The following GRIN2A variants were observed in gnomAD, a reference collection of about 807,000 sequenced individuals.
GRIN2A encodes glutamate ionotropic receptor NMDA type subunit 2A, also known as glutamate receptor ionotropic, NMDA 2A.
Under a neutral mutation model 113.4 loss-of-function variants are expected in GRIN2A, and 22 were observed. That is an observed-to-expected ratio of 0.19 (90% CI 0.14 to 0.28). The LOEUF (loss-of-function observed/expected upper bound fraction) is 0.28, where lower values mean the gene tolerates loss of function less well. Ranked by LOEUF, GRIN2A falls within the 10% of genes least tolerant of loss-of-function variation. The pLI is 1.00. For missense variants in GRIN2A, 1,502 were observed against 1,887.0 expected, an observed-to-expected ratio of 0.80 and a Z score of 3.78; for synonymous variants, 827 against 738.4, an observed-to-expected ratio of 1.12 and a Z score of -1.94.
intron 4 of GRIN2A, among the ~76,000 whole-genome samples, chr16:9,870,902 T>G (rs186711322): frequency 1.3e-5 from 2 of 152,154 alleles, no homozygotes; most frequent in African/African-American, 4.8e-5. Context: ...CCTCCCTAAG[T>G]GCTAGGATTA....
chr16:10,076,564 T>C (rs1330847869), intron 2 of GRIN2A, among the ~76,000 whole-genome samples: 6 of 152,174 alleles, frequency 3.9e-5, no homozygotes, highest in Non-Finnish European at 8.8e-5. Flanking sequence ...TTGGTTTAAA[T>C]TTGAACTCAA....
intron 10 of GRIN2A, among the ~76,000 whole-genome samples, chr16:9,817,305 G>A (rs955895543): frequency 5.9e-5 from 9 of 152,140 alleles, no homozygotes; most frequent in African/African-American, 1.7e-4. Flanking sequence ...GTGGTGTGGC[G>A]TGCTGCGGGG....
intron 2 of GRIN2A, among the ~76,000 whole-genome samples, chr16:10,157,717 C>T (rs1351205704): frequency 6.6e-6 from 1 of 152,172 alleles, no homozygotes; most frequent in Non-Finnish European, 1.5e-5. Flanking sequence ...CACGATCAAT[C>T]ACTTCCCTTC....
intron 2 of GRIN2A, among the ~76,000 whole-genome samples, chr16:10,023,101 C>T (rs891311207): frequency 1.3e-5 from 2 of 152,152 alleles, no homozygotes; most frequent in Non-Finnish European, 2.9e-5. Flanking sequence ...GAGGGCTCTA[C>T]CAATGAGAAA....
Position 9,938,218 on chromosome 16 carries a change from C to T in GRIN2A, c.748G>A (p.Gly250Arg), listed in dbSNP as rs1473377043. 7.4e-6 allele frequency: 12 copies of T among 1,613,696 alleles called. No individual in the cohort carries two copies. The highest frequency in any genetic ancestry group is 1.7e-5 in the Admixed American group (1 of 59,996). ...GGGACAATCCAGAAGAAATCATACC[C>T]GGTGAGGCCAAGGGAGCGGGCCTCA... is the stretch of plus-strand genomic sequence containing the variant. ...LSEARSLGLT[G>R]YDFFWIVPSL... The change falls in exon 3 of 13, where the codon GGG (glycine) becomes AGG (arginine). Residue 250 changes from glycine to arginine, a missense_variant. Coordinates refer to ENST00000330684, the MANE Select transcript of GRIN2A (RefSeq NM_001134407.3).
At chr16:9,889,084 G>C (rs947161068) in intron 4 of GRIN2A, among the ~76,000 whole-genome samples, 4 of 151,976 alleles carry the variant, frequency 2.6e-5, no homozygotes, top group Non-Finnish European at 5.9e-5. Flanking sequence ...TCTAGGCCAG[G>C]AGTTTCTCTT....
At position 9,776,354 on chromosome 16, in the gene GRIN2A, C is replaced by A. The variant is rs527497354; in HGVS notation, c.2357-7265G>T. On this transcript the variant is annotated intron_variant, in intron 11 of 12. Coordinates refer to ENST00000330684, the MANE Select transcript of GRIN2A (RefSeq NM_001134407.3). ...CACTGGGAGGTGAGTTTATTCAGGG[C>A]AGGGATCTTGTTTTATTCTCCTTGT... is the stretch of plus-strand genomic sequence containing the variant. Among the ~76,000 whole-genome samples the A allele has an allele frequency of 2.7e-5, 4 of 147,562 alleles. No individual in the cohort carries two copies. In the South Asian group the frequency reaches 6.4e-4, roughly 24 times the overall value.
At chr16:9,826,895 C>T (rs1000652306) in intron 9 of GRIN2A, among the ~76,000 whole-genome samples, 1 of 152,332 alleles carries the variant, frequency 6.6e-6, no homozygotes, top group African/African-American at 2.4e-5. Context: ...GATTTCCCCC[C>T]GCCCTTGCCT....
At chr16:10,107,925 C>G (rs1010556373) in intron 2 of GRIN2A, among the ~76,000 whole-genome samples, 3 of 152,202 alleles carry the variant, frequency 2.0e-5, no homozygotes, top group African/African-American at 7.2e-5. Context: ...TGCTTACCCT[C>G]TGGTGGGGAG....
At chr16:10,148,561 G>A (rs1443827123) in intron 2 of GRIN2A, among the ~76,000 whole-genome samples, 1 of 152,162 alleles carries the variant, frequency 6.6e-6, no homozygotes, top group Non-Finnish European at 1.5e-5. Flanking sequence ...AATGTGAAAT[G>A]ATTTGCTGAC....
chr16:9,771,003 T>C (rs966703468), intron 11 of GRIN2A, among the ~76,000 whole-genome samples: 5 of 152,200 alleles, frequency 3.3e-5, no homozygotes, highest in Non-Finnish European at 5.9e-5. Flanking sequence ...ACTGCCAAAC[T>C]TTCTTCCAAA....
At chr16:9,776,589 C>T (rs781573965) in intron 11 of GRIN2A, among the ~76,000 whole-genome samples, 4 of 151,954 alleles carry the variant, frequency 2.6e-5, no homozygotes, top group Non-Finnish European at 4.4e-5. Context: ...GGCTCTTGGG[C>T]GAGTATGTTC....
intron 2 of GRIN2A, among the ~76,000 whole-genome samples, chr16:9,943,875 C>G (rs1191693221): frequency 6.6e-6 from 1 of 152,232 alleles, no homozygotes; most frequent in African/African-American, 2.4e-5. Context: ...GCCTGAGTAT[C>G]TGAACTTTAA....
chr16:10,078,274 T>C (rs947803004), intron 2 of GRIN2A, among the ~76,000 whole-genome samples: 1 of 152,150 alleles, frequency 6.6e-6, no homozygotes, highest in Non-Finnish European at 1.5e-5. Context: ...CACAGAGCTT[T>C]ACCAGCCAAG....
intron 10 of GRIN2A, among the ~76,000 whole-genome samples, chr16:9,801,088 G>A (rs1903334640): frequency 1.3e-5 from 2 of 152,174 alleles, no homozygotes; most frequent in Admixed American, 1.3e-4. Flanking sequence ...TGGTCTTGCT[G>A]AGACACTTGT....
chr16:10,050,647 T>C (rs967302171), intron 2 of GRIN2A, among the ~76,000 whole-genome samples: 4 of 152,080 alleles, frequency 2.6e-5, no homozygotes, highest in African/African-American at 9.7e-5. Flanking sequence ...GTATCATTAT[T>C]TCATTATATA....
At chr16:10,158,028 AG>A (rs2049737229) in intron 2 of GRIN2A, among the ~76,000 whole-genome samples, 2 of 152,060 alleles carry the variant, frequency 1.3e-5, no homozygotes, top group South Asian at 4.2e-4. Context: ...TTTTTGAGAC[AG>A]GATCTCACTC....
intron 2 of GRIN2A, among the ~76,000 whole-genome samples, chr16:10,130,356 A>C (rs1303329540): frequency 6.6e-6 from 1 of 152,236 alleles, no homozygotes; most frequent in Non-Finnish European, 1.5e-5. Flanking sequence ...ACTCTTGTGA[A>C]GGCTACTTGT....
intron 2 of GRIN2A, among the ~76,000 whole-genome samples, chr16:10,141,457 C>T (rs1301014961): frequency 6.6e-6 from 1 of 152,140 alleles, no homozygotes; most frequent in Non-Finnish European, 1.5e-5. Context: ...CGCTGCACTC[C>T]AGCCTGGGCA....
Sources: allele counts gnomAD v4.1 joint callset (sites outside exome capture counted in the v4.1 genomes callset), GRCh38; gene constraint gnomAD v4.1.1; transcripts MANE v1.5; gene names NCBI Gene and HGNC (gene_info 2026-07-23, HGNC 2026-07-21).